The following DCSTAMP variants were observed in gnomAD, a reference collection of about 807,000 sequenced individuals.
DCSTAMP encodes the protein dendritic cell-specific transmembrane protein.
DCSTAMP carries 25 observed loss-of-function variants against 33.8 expected under a neutral mutation model. The ratio of observed to expected loss-of-function variants is 0.74; its 90% CI spans 0.54 to 1.03. DCSTAMP has a LOEUF of 1.03. Among genes scored for constraint, DCSTAMP ranks in the 50% least tolerant of loss-of-function variants. The probability of loss-of-function intolerance (pLI) is 0.00; values close to 1 mark genes in which losing one functional copy is unlikely to be tolerated. For synonymous variants in DCSTAMP, 245 were observed against 216.7 expected (o/e 1.13, Z -1.15); for missense variants, 531 against 556.8 (o/e 0.95, Z 0.47).
At chr8:104,354,125 G>A (rs1411001798) in intron 2 of DCSTAMP, among the ~76,000 whole-genome samples, 1 of 152,174 alleles carries the variant, frequency 6.6e-6, no homozygotes, top group Non-Finnish European at 1.5e-5. Flanking sequence ...AAGAAGGAAT[G>A]TACCTCTCAT....
intron 3 of DCSTAMP, 72 bp downstream of exon 3, chr8:104,355,257 T>C: frequency 6.8e-7 from 1 of 1,472,956 alleles, no homozygotes; most frequent in Non-Finnish European, 9.1e-7. Flanking sequence ...GAAAGGGGAC[T>C]TCGAAGCATT....
At chr8:104,349,766 G>A (rs1810414626) in intron 2 of DCSTAMP, among the ~76,000 whole-genome samples, 185 bp downstream of exon 2, 1 of 152,190 alleles carries the variant, frequency 6.6e-6, no homozygotes, top group African/African-American at 2.4e-5. Flanking sequence ...AAGTCCCAAT[G>A]TTAGGGTGTG....
At chr8:104,353,731 C>T (rs1164571047) in intron 2 of DCSTAMP, among the ~76,000 whole-genome samples, 1 of 152,188 alleles carries the variant, frequency 6.6e-6, no homozygotes, top group Non-Finnish European at 1.5e-5. Context: ...TGGAATAGAT[C>T]CAAGGTGCCC....
chr8:104,348,744 C>A lies in DCSTAMP; in HGVS notation c.192C>A (p.Ser64=). 6.2e-7 allele frequency: 1 copy of A among 1,614,180 alleles called. No homozygotes were observed. Among genetic ancestry groups the A allele is most frequent in the Non-Finnish European group, 8.5e-7 (1 of 1,180,046 alleles). The change falls in exon 2 of 4, where the codon TCC becomes TCA. Residue 64 remains serine (S), a synonymous_variant. Transcript: ENST00000297581. ...FLPSIIAAAA[S]WIITCVLLCC... is the part of the protein sequence containing the mutation. ...CATCAATCATAGCGGCCGCTGCCTCCTGGATTATCACGTGTGTTCTGCTGT... is the reference window on the plus strand; with the variant it reads ...CATCAATCATAGCGGCCGCTGCCTCATGGATTATCACGTGTGTTCTGCTGT...
chr8:104,346,404 C>T (rs571995962), intron 1 of DCSTAMP, among the ~76,000 whole-genome samples: 6 of 152,344 alleles, frequency 3.9e-5, no homozygotes, highest in Admixed American at 2.6e-4. Context: ...CTGACTCGGT[C>T]TGTAATGCCA....
In DCSTAMP at chr8:104,349,170, G is replaced by A. The variant is rs1210521911; in HGVS notation, c.618G>A (p.Val206=). The A allele has an allele frequency of 1.2e-6, 2 of 1,614,100 alleles. No homozygotes were observed. Reference sequence around the variant, plus strand: ...ACCAGATGGCAACAACCACAGAGGTGTTGTCCTCCCTGGGTCAGAAGCTAC... The same window carrying A: ...ACCAGATGGCAACAACCACAGAGGTATTGTCCTCCCTGGGTCAGAAGCTAC... ...VLYQMATTTE[V]LSSLGQKLLA... is the part of the protein sequence containing the mutation. Residue 206 remains valine (V), a synonymous_variant, in exon 2 of 4, where the codon GTG becomes GTA. Transcript: ENST00000297581.
chr8:104,342,663 G>A (rs2099383120), intron 1 of DCSTAMP, among the ~76,000 whole-genome samples: 1 of 152,176 alleles, frequency 6.6e-6, no homozygotes, highest in Non-Finnish European at 1.5e-5. Context: ...GAAATGCTAA[G>A]TGCTGCCTGC....
intron 2 of DCSTAMP, among the ~76,000 whole-genome samples, chr8:104,352,926 T>G (rs1272140845): frequency 6.6e-6 from 1 of 152,228 alleles, no homozygotes; most frequent in Non-Finnish European, 1.5e-5. Flanking sequence ...CAGGGTGCCC[T>G]TGGGGGCTCC....
At chr8:104,344,942 C>T (rs1193506578) in intron 1 of DCSTAMP, among the ~76,000 whole-genome samples, 1 of 152,046 alleles carries the variant, frequency 6.6e-6, no homozygotes, top group Non-Finnish European at 1.5e-5. Flanking sequence ...TACAATCCAG[C>T]TCCTATCTCT....
chr8:104,348,957 C>T lies in DCSTAMP; in HGVS notation c.405C>T (p.Ser135=), dbSNP rs369982628. ...GCAACCTAAGGGCAAAGAGCTTTTC[C>T]ATACATTTTCCACTTTTGAAAAAAT... is the stretch of plus-strand genomic sequence containing the variant. ...MTCNLRAKSF[S]IHFPLLKKYI... Residue 135 remains serine, a synonymous_variant, in exon 2 of 4, where the codon TCC becomes TCT. Transcript: ENST00000297581. The T allele has an allele frequency of 6.8e-6, 11 of 1,614,090 alleles. No homozygotes were observed. Among genetic ancestry groups the T allele is most frequent in the Non-Finnish European group, 9.3e-6 (11 of 1,180,052 alleles).
chr8:104,349,116 C>G lies in DCSTAMP; in HGVS notation c.564C>G (p.Asp188Glu). ...ATGTCCTGGAGGCACAGCTAAATGACAGCAAAGGGGAAGTCCTGAGCGTCT... is the reference window on the plus strand; with the variant it reads ...ATGTCCTGGAGGCACAGCTAAATGAGAGCAAAGGGGAAGTCCTGAGCGTCT... The part of the protein sequence containing the change: ...PSHVLEAQLN[D>E]SKGEVLSVLY... Residue 188 changes from aspartate (D) to glutamate (E), a missense_variant, in exon 2 of 4, where the codon GAC becomes GAG. By Grantham distance (45) the Asp-to-Glu change is conservative (BLOSUM62 2). Coordinates refer to ENST00000297581, the MANE Select transcript of DCSTAMP (RefSeq NM_030788.4). 1 of 1,614,158 alleles carries G rather than the reference C, an allele frequency of 6.2e-7. No individual in the cohort carries two copies. Among genetic ancestry groups the G allele is most frequent in the Non-Finnish European group, 8.5e-7 (1 of 1,180,036 alleles).
chr8:104,343,261 A>G (rs1216020537), intron 1 of DCSTAMP, among the ~76,000 whole-genome samples: 2 of 152,238 alleles, frequency 1.3e-5, no homozygotes, highest in African/African-American at 4.8e-5. Context: ...TCTCAGCCCC[A>G]GTTTCCTACC....
At position 104,354,935 on chromosome 8, in the gene DCSTAMP, C is replaced by A; in HGVS notation, c.1088C>A (p.Pro363His). The change falls in exon 3 of 4, where the codon CCC becomes CAC. Residue 363 changes from proline (P) to histidine (H), a missense_variant. By Grantham distance (77) the Pro-to-His change is moderately conservative. Transcript: ENST00000297581. ...TCCTTTAATATATCTGTGTTTGAAC[C>A]CAACTGTATCCCAAAACCAAAATTC... ...DSSFNISVFE[P>H]NCIPKPKFLL... 5 of 1,612,010 alleles carry A rather than the reference C, an allele frequency of 3.1e-6. No individual in the cohort carries two copies. The highest frequency in any genetic ancestry group is 4.2e-6 in the Non-Finnish European group (5 of 1,178,132).
At chr8:104,355,228 T>C (rs778025377) in intron 3 of DCSTAMP, 43 bp downstream of exon 3, 1 of 1,566,856 alleles carries the variant, frequency 6.4e-7, no homozygotes, top group Non-Finnish European at 8.6e-7. Context: ...GAGGAAGTGT[T>C]GAGTTTGGAG....
intron 2 of DCSTAMP, among the ~76,000 whole-genome samples, chr8:104,352,496 C>G (rs1305901082): frequency 6.6e-6 from 1 of 152,152 alleles, no homozygotes; most frequent in African/African-American, 2.4e-5. Flanking sequence ...GTCTTCCCCC[C>G]TCAATTCTCC....
intron 2 of DCSTAMP, among the ~76,000 whole-genome samples, chr8:104,352,936 C>T (rs1204693550): frequency 6.6e-6 from 1 of 152,216 alleles, no homozygotes; most frequent in African/African-American, 2.4e-5. Flanking sequence ...TTGGGGGCTC[C>T]TTGTCTTCAC....
At chr8:104,342,021 C>A (rs560500760) in intron 1 of DCSTAMP, among the ~76,000 whole-genome samples, 1 of 152,102 alleles carries the variant, frequency 6.6e-6, no homozygotes, top group Admixed American at 6.5e-5. Flanking sequence ...ATCAGGTAAA[C>A]TTTTAGATGC....
At chr8:104,342,988 G>A (rs1417280156) in intron 1 of DCSTAMP, among the ~76,000 whole-genome samples, 1 of 152,238 alleles carries the variant, frequency 6.6e-6, no homozygotes, top group Non-Finnish European at 1.5e-5. Flanking sequence ...ATAAAGCTAT[G>A]CTGGCAGAGG....
chr8:104,349,316 A>C lies in DCSTAMP; in HGVS notation c.764A>C (p.Asp255Ala). 1.2e-6 allele frequency: 2 copies of C among 1,614,192 alleles called. No homozygotes were observed. Among genetic ancestry groups the C allele is most frequent in the Non-Finnish European group, 1.7e-6 (2 of 1,180,038 alleles). The change falls in exon 2 of 4, where the codon GAT (aspartate) becomes GCT (alanine). Residue 255 changes from aspartate to alanine, a missense_variant. Transcript: ENST00000297581. ...ATCACCAGACAATTTGTTCAGTTTGATGAAAGGGAGAGACATCAACAGAGG... is the reference window on the plus strand; with the variant it reads ...ATCACCAGACAATTTGTTCAGTTTGCTGAAAGGGAGAGACATCAACAGAGG... ...IYITRQFVQF[D>A]ERERHQQRPC...
Sources: gnomAD v4.1 joint callset for allele counts (sites outside exome capture counted in the v4.1 genomes callset) on GRCh38, gnomAD v4.1.1 for gene constraint, MANE v1.5 for transcripts, NCBI Gene and HGNC (gene_info 2026-07-23, HGNC 2026-07-21) for gene names.